Variants in LHFPL5 observed in about 807,000 individuals in gnomAD.
LHFPL5 encodes the protein LHFPL tetraspan subfamily member 5, also known as LHFPL tetraspan subfamily member 5 protein.
LHFPL5 carries 12 observed loss-of-function variants against 18.7 expected under a neutral mutation model. The observed-to-expected ratio is 0.64, with a 90% CI of 0.41 to 1.04. LHFPL5 has a LOEUF of 1.04. LHFPL5 is among the 50% of genes least tolerant of loss of function. LHFPL5 has a pLI of 0.00. For synonymous variants in LHFPL5, 111 were observed against 120.2 expected (o/e 0.92, Z 0.50); for missense variants, 259 against 292.1 (o/e 0.89, Z 0.83).
chr6:35,805,432 A>G lies in LHFPL5; in HGVS notation c.-239A>G, dbSNP rs1025976477. 2 of 554,400 alleles carry G rather than the reference A, an allele frequency of 3.6e-6. No individual in the cohort carries two copies. The highest frequency in any genetic ancestry group is 4.1e-5 in the South Asian group (2 of 49,052). The allele number at this position is 554,400 out of a possible 1,614,324, so 34.3% of individuals were successfully genotyped here. ...TGGTGGGCTTGGGAGGAGGCAGGAGACTGGAGACAGCCTCGGCTAGAGCGG... is the reference window on the plus strand; with the variant it reads ...TGGTGGGCTTGGGAGGAGGCAGGAGGCTGGAGACAGCCTCGGCTAGAGCGG... On this transcript the variant is annotated 5_prime_UTR_variant, in exon 1 of 4. Transcript: ENST00000360215. The surrounding 1 kb of genome is among the most constrained non-coding windows in gnomAD (Gnocchi z 4.3).
chr6:35,819,680 G>T, intron 3 of LHFPL5: 1 of 559,676 alleles, frequency 1.8e-6, no homozygotes, highest in Non-Finnish European at 3.1e-6. Flanking sequence ...TTTTACCTGT[G>T]TCTTTTTTTT....
At chr6:35,811,007 G>A (rs1008060415) in intron 1 of LHFPL5, among the ~76,000 whole-genome samples, 10 of 152,126 alleles carry the variant, frequency 6.6e-5, no homozygotes, top group Non-Finnish European at 1.0e-4. Context: ...CGCTCTCACT[G>A]TTGTCTCCTG....
intron 2 of LHFPL5, among the ~76,000 whole-genome samples, chr6:35,817,062 T>G (rs1214188087): frequency 1.3e-5 from 2 of 152,080 alleles, no homozygotes; most frequent in Non-Finnish European, 2.9e-5. Flanking sequence ...CGGTGGCTTA[T>G]GCCTGTAATC....
At chr6:35,821,586 A>G (rs192335298) in intron 3 of LHFPL5, among the ~76,000 whole-genome samples, 49 of 151,410 alleles carry the variant, frequency 3.2e-4, no homozygotes, top group African/African-American at 1.1e-3. Flanking sequence ...GGTTCAAGCC[A>G]TTCTCCTGCC....
intron 2 of LHFPL5, among the ~76,000 whole-genome samples, chr6:35,815,845 G>C (rs934158326): frequency 3.3e-5 from 5 of 152,172 alleles, no homozygotes; most frequent in Admixed American, 6.5e-5. Context: ...TTCTTTGGGG[G>C]TGAGAGAAGG....
intron 3 of LHFPL5, among the ~76,000 whole-genome samples, chr6:35,821,303 C>CAA (rs545383687): frequency 0.015 from 1,455 of 99,996 alleles, 41 homozygotes; most frequent in African/African-American, 0.049. Context: ...GACTGAGTCT[C>CAA]AAAAAAAAAA....
chr6:35,821,857 A>ATTTTTTTTTTTTTTTTTTTTTTTTT lies in LHFPL5; in HGVS notation c.*17-1115_*17-1091dup, dbSNP rs763639486. The stretch of plus-strand genomic sequence containing the variant: ...AACTCCACAGCACTGGTGTACCACA[A>ATTTTTTTTTTTTTTTTTTTTTTTTT]TTTTTTTTTTTTTTTTTTTTTTTTT... On this transcript the variant is annotated intron_variant, in intron 3 of 3. Transcript: ENST00000360215. Among the ~76,000 whole-genome samples the ATTTTTTTTTTTTTTTTTTTTTTTTT allele has an allele frequency of 5.1e-5, 2 of 39,136 alleles. 1 individual carries two copies. The highest frequency in any genetic ancestry group is 1.8e-4 in the African/African-American group (2 of 11,322). 25.7% of individuals were successfully genotyped at this position (39,136 alleles called of 152,430 possible).
At chr6:35,817,167 A>G (rs1400379553) in intron 2 of LHFPL5, among the ~76,000 whole-genome samples, 2 of 152,062 alleles carry the variant, frequency 1.3e-5, no homozygotes, top group African/African-American at 4.8e-5. Context: ...TAAAAACACA[A>G]AAAATTAGCT....
rs147013016 is a variant in LHFPL5, at chr6:35,818,551, G to A, written c.650-886G>A. Reference sequence around the variant, plus strand: ...TTAAAAAAATTTTTTTTGTAGAGACGGGGTTCCACCATGTTGACCAGGCTG... The same window carrying A: ...TTAAAAAAATTTTTTTTGTAGAGACAGGGTTCCACCATGTTGACCAGGCTG... On this transcript the variant is annotated intron_variant, in intron 2 of 3. Coordinates refer to ENST00000360215, the MANE Select transcript of LHFPL5 (RefSeq NM_182548.4). Among the ~76,000 whole-genome samples, 88 of 151,194 alleles carry A rather than the reference G, an allele frequency of 5.8e-4. No homozygotes were observed. In the East Asian group the frequency reaches 0.017, roughly 29 times the overall value.
Position 35,823,477 on chromosome 6 carries a change from A to ACACACACACACACACACACTCT in LHFPL5, c.*513_*514insACACACACACACACACACTCTC, listed in dbSNP as rs1554147856. The ACACACACACACACACACACTCT allele has an allele frequency of 7.1e-6, 1 of 140,750 alleles. No homozygotes were observed. Among genetic ancestry groups the ACACACACACACACACACACTCT allele is most frequent in the African/African-American group, 2.7e-5 (1 of 36,488 alleles). 8.7% of individuals were successfully genotyped at this position (140,750 alleles called of 1,614,324 possible). ...CACACACACACACACACACACACAC[A>ACACACACACACACACACACTCT]CTCTCTCTCTCTCTCAAACACACAC... On this transcript the variant is annotated 3_prime_UTR_variant, in exon 4 of 4. Transcript: ENST00000360215.
At chr6:35,821,128 A>G (rs986000181) in intron 3 of LHFPL5, among the ~76,000 whole-genome samples, 3 of 151,870 alleles carry the variant, frequency 2.0e-5, no homozygotes, top group Non-Finnish European at 4.4e-5. Flanking sequence ...ACATTGGGAA[A>G]CCCCATCTCT....
At chr6:35,809,499 A>G (rs1478047352) in intron 1 of LHFPL5, among the ~76,000 whole-genome samples, 2 of 152,156 alleles carry the variant, frequency 1.3e-5, no homozygotes, top group South Asian at 2.1e-4. Flanking sequence ...ATTTGCATTG[A>G]TGATTATTAT....
In LHFPL5 at chr6:35,814,841, G is replaced by A; in HGVS notation, c.649+59G>A. On this transcript the variant is annotated intron_variant, in intron 2 of 3. Coordinates refer to ENST00000360215, the MANE Select transcript of LHFPL5 (RefSeq NM_182548.4). The surrounding 1 kb of genome is among the most constrained non-coding windows in gnomAD (Gnocchi z 4.2). ...CTGGAGACCCTGGGATGTGGGTGGG[G>A]GTTCATCTTAGCCAGTCCTCTAAGG... 2 of 1,486,008 alleles carry A rather than the reference G, an allele frequency of 1.3e-6. No individual in the cohort carries two copies. The highest frequency in any genetic ancestry group is 1.1e-5 in the South Asian group (1 of 88,400). 92.1% of individuals were successfully genotyped at this position (1,486,008 alleles called of 1,614,324 possible).
At chr6:35,818,341 A>AT in intron 2 of LHFPL5, among the ~76,000 whole-genome samples, 1 of 13,164 alleles carries the variant, frequency 7.6e-5, no homozygotes, top group African/African-American at 2.7e-4. Context: ...ATATATATAT[A>AT]TATATATGTA....
chr6:35,815,711 CA>C (rs1031475224), intron 2 of LHFPL5, among the ~76,000 whole-genome samples: 11 of 152,118 alleles, frequency 7.2e-5, no homozygotes, highest in Admixed American at 1.3e-4. Flanking sequence ...ACTTGAAGCC[CA>C]AAAGGGAAAG....
intron 1 of LHFPL5, among the ~76,000 whole-genome samples, chr6:35,806,754 A>G (rs1272063122): frequency 7.2e-5 from 11 of 152,142 alleles, no homozygotes; most frequent in Admixed American, 4.6e-4. Flanking sequence ...GGGATTTTAT[A>G]CTTAAGGCAG....
chr6:35,812,951 A>G (rs1768691539), intron 1 of LHFPL5, among the ~76,000 whole-genome samples: 1 of 152,030 alleles, frequency 6.6e-6, no homozygotes, highest in Admixed American at 6.5e-5. Flanking sequence ...GCTACTCAGG[A>G]GGGTGAGGCA....
At chr6:35,821,449 TTGTG>T (rs34049571) in intron 3 of LHFPL5, among the ~76,000 whole-genome samples, 8,548 of 120,246 alleles carry the variant, frequency 0.071, 410 homozygotes, top group Admixed American at 0.19. Context: ...AGCATAATCT[TTGTG>T]TGTGTGTGTG....
chr6:35,807,576 T>C (rs1768592130), intron 1 of LHFPL5, among the ~76,000 whole-genome samples: 1 of 152,160 alleles, frequency 6.6e-6, no homozygotes, highest in Non-Finnish European at 1.5e-5. Flanking sequence ...GAATGAGAAG[T>C]GCTGTCATCT....
Sources: allele counts gnomAD v4.1 joint callset (sites outside exome capture counted in the v4.1 genomes callset), GRCh38; gene constraint gnomAD v4.1.1; non-coding constraint Gnocchi (gnomAD v3.1); transcripts MANE v1.5; gene names NCBI Gene and HGNC (gene_info 2026-07-23, HGNC 2026-07-21).